GABBR2: variants seen among roughly 807,000 people sequenced by gnomAD.
GABBR2 encodes the protein G-protein coupled receptor 51.
In GABBR2, 23 loss-of-function variants were observed where a neutral mutation model predicts 105.6. That is an observed-to-expected ratio of 0.22 (90% CI 0.16 to 0.31). The LOEUF is 0.31. Among genes scored for constraint, GABBR2 ranks in the 10% least tolerant of loss-of-function variants. GABBR2 has a pLI of 1.00. For missense variants in GABBR2, 734 were observed against 1,245.5 expected (o/e 0.59, Z 6.18); for synonymous variants, 478 against 499.7 (o/e 0.96, Z 0.58).
At chr9:98,689,823 A>T (rs1830663551) in intron 1 of GABBR2, among the ~76,000 whole-genome samples, 1 of 151,540 alleles carries the variant, frequency 6.6e-6, no homozygotes, top group South Asian at 2.1e-4. Flanking sequence ...CACACAAGAA[A>T]CTCTTTTCAG....
At chr9:98,397,367 C>T (rs959628889) in intron 8 of GABBR2, among the ~76,000 whole-genome samples, 3 of 152,038 alleles carry the variant, frequency 2.0e-5, no homozygotes, top group Admixed American at 2.0e-4. Flanking sequence ...TACTGGACAC[C>T]CATTACGTGC....
intron 1 of GABBR2, among the ~76,000 whole-genome samples, chr9:98,695,198 GAC>G (rs1360989767): frequency 3.9e-5 from 6 of 152,204 alleles, no homozygotes; most frequent in Non-Finnish European, 7.3e-5. Context: ...GGGTGCTCCA[GAC>G]ACAGAGACCT....
intron 2 of GABBR2, among the ~76,000 whole-genome samples, chr9:98,575,548 T>G (rs749910025): frequency 5.9e-5 from 9 of 152,166 alleles, no homozygotes; most frequent in Non-Finnish European, 1.2e-4. Context: ...ACCTTGATTA[T>G]GCAGATGATG....
chr9:98,293,923 C>T (rs761923038), intron 17 of GABBR2, 21 bp from the exon 18 acceptor site: 9 of 1,321,856 alleles, frequency 6.8e-6, no homozygotes, highest in Middle Eastern at 1.8e-4. Flanking sequence ...AACAACAATA[C>T]CACAACATGT....
chr9:98,313,605 T>G (rs1157497403), intron 13 of GABBR2, among the ~76,000 whole-genome samples: 1 of 152,192 alleles, frequency 6.6e-6, no homozygotes, highest in African/African-American at 2.4e-5. Context: ...CTAAGTAAAG[T>G]TGAAGATTCC....
intron 1 of GABBR2, among the ~76,000 whole-genome samples, chr9:98,646,793 G>C (rs996901020): frequency 6.6e-6 from 1 of 152,192 alleles, no homozygotes; most frequent in African/African-American, 2.4e-5. Flanking sequence ...AAGGCTAGCA[G>C]AGTTCTCTGG....
intron 3 of GABBR2, among the ~76,000 whole-genome samples, chr9:98,538,266 G>A (rs1039172513): frequency 5.3e-5 from 8 of 152,176 alleles, no homozygotes; most frequent in African/African-American, 1.4e-4. Context: ...GCAAGGATGG[G>A]CTCAGAGATC....
At chr9:98,429,597 A>T (rs1340027128) in intron 7 of GABBR2, among the ~76,000 whole-genome samples, 2 of 152,218 alleles carry the variant, frequency 1.3e-5, no homozygotes, top group African/African-American at 2.4e-5. Flanking sequence ...TCAAACAAGC[A>T]AACAAGGCAT....
Position 98,527,107 on chromosome 9 carries a change from T to TTA in GABBR2, c.630+14764_630+14765dup, listed in dbSNP as rs200603771. Among the ~76,000 whole-genome samples the TTA allele has an allele frequency of 5.7e-3, 799 of 141,398 alleles. 3 individuals carry two copies. Among genetic ancestry groups the TTA allele is most frequent in the African/African-American group, 0.017 (657 of 38,972 alleles). 92.8% of individuals were successfully genotyped at this position (141,398 alleles called of 152,430 possible). A position where few individuals can be genotyped will look rare whatever the true frequency, so the allele number is the denominator to read the frequency against. ...ATAATATATAATAATAATATATATA[T>TTA]TATATATATATATGTATATATAAAA... On this transcript the variant is annotated intron_variant, in intron 3 of 18. Coordinates refer to ENST00000259455, the MANE Select transcript of GABBR2 (RefSeq NM_005458.8).
intron 3 of GABBR2, among the ~76,000 whole-genome samples, chr9:98,535,274 T>C (rs890074514): frequency 1.4e-4 from 21 of 152,078 alleles, no homozygotes; most frequent in African/African-American, 5.1e-4. Context: ...ATTTTTTTTG[T>C]ATTTTTAGTA....
chr9:98,463,375 G>T (rs1439527898), intron 6 of GABBR2, among the ~76,000 whole-genome samples: 1 of 152,180 alleles, frequency 6.6e-6, no homozygotes, highest in Non-Finnish European at 1.5e-5. Context: ...AAGTATGTAT[G>T]TATGTGTGTA....
intron 3 of GABBR2, among the ~76,000 whole-genome samples, chr9:98,508,806 G>A (rs1827571336): frequency 6.6e-6 from 1 of 152,070 alleles, no homozygotes; most frequent in African/African-American, 2.4e-5. Flanking sequence ...ACAGCTCAAG[G>A]AGGCCTGCCT....
At chr9:98,644,170 C>T (rs1247249595) in intron 1 of GABBR2, among the ~76,000 whole-genome samples, 2 of 152,230 alleles carry the variant, frequency 1.3e-5, no homozygotes, top group Non-Finnish European at 2.9e-5. Context: ...GGTGTCTACA[C>T]AGATAGTTGT....
At chr9:98,320,770 T>C (rs984200445) in intron 13 of GABBR2, among the ~76,000 whole-genome samples, 3 of 142,292 alleles carry the variant, frequency 2.1e-5, no homozygotes, top group Non-Finnish European at 4.5e-5. Context: ...TAGGTGGGAA[T>C]TGAACAATGA....
intron 3 of GABBR2, among the ~76,000 whole-genome samples, chr9:98,520,344 A>G (rs549871687): frequency 6.6e-6 from 1 of 152,198 alleles, no homozygotes; most frequent in South Asian, 2.1e-4. Flanking sequence ...GGAGAATGCT[A>G]CTCTATACCT....
chr9:98,300,266 C>T (rs1830447895), intron 16 of GABBR2, among the ~76,000 whole-genome samples: 1 of 152,072 alleles, frequency 6.6e-6, no homozygotes, highest in African/African-American at 2.4e-5. Context: ...CTCTGACCTG[C>T]AGGGTCTCAC....
At chr9:98,315,825 C>T (rs1830706263) in intron 13 of GABBR2, among the ~76,000 whole-genome samples, 1 of 152,228 alleles carries the variant, frequency 6.6e-6, no homozygotes, top group South Asian at 2.1e-4. Context: ...AACGGTGAAG[C>T]TGTCAGCAGC....
At chr9:98,649,037 A>G (rs1300422937) in intron 1 of GABBR2, among the ~76,000 whole-genome samples, 1 of 152,204 alleles carries the variant, frequency 6.6e-6, no homozygotes, top group Non-Finnish European at 1.5e-5. Flanking sequence ...CACAGAGCCC[A>G]AAGGAAAGTC....
intron 3 of GABBR2, among the ~76,000 whole-genome samples, chr9:98,540,293 T>C (rs1828267918): frequency 6.6e-6 from 1 of 152,324 alleles, no homozygotes; most frequent in Middle Eastern, 3.4e-3. Context: ...CAACCCTCTC[T>C]GTGTATGAAC....
Sources: gnomAD v4.1 joint callset for allele counts (sites outside exome capture counted in the v4.1 genomes callset) on GRCh38, gnomAD v4.1.1 for gene constraint, MANE v1.5 for transcripts, NCBI Gene and HGNC (gene_info 2026-07-23, HGNC 2026-07-21) for gene names.